The following PIK3R5 variants were observed in gnomAD, a reference collection of about 807,000 sequenced individuals.
PIK3R5 encodes phosphoinositide 3-kinase regulatory subunit 5.
PIK3R5 carries 32 observed loss-of-function variants against 94.9 expected under a neutral mutation model. The ratio of observed to expected loss-of-function variants is 0.34; its 90% confidence interval spans 0.25 to 0.45. The LOEUF is 0.45. PIK3R5 is among the 20% of genes least tolerant of loss of function. The pLI is 1.00. For synonymous variants in PIK3R5, 443 were observed against 479.4 expected (o/e 0.92, Z 0.99); for missense variants, 853 against 1,144.6 (o/e 0.75, Z 3.68).
intron 1 of PIK3R5, among the ~76,000 whole-genome samples, chr17:8,954,134 C>T (rs1365626111): frequency 6.6e-6 from 1 of 152,076 alleles, no homozygotes; most frequent in Non-Finnish European, 1.5e-5. Flanking sequence ...ACCCAAGCTC[C>T]CCCGGCTTGG....
rs2089963980 is a variant in PIK3R5, at chr17:8,889,275, T to C, written c.812-53A>G. On this transcript the variant is annotated intron_variant, in intron 8 of 18. Transcript: ENST00000447110. This position sits in a 1 kb window ranked among gnomAD's most constrained non-coding sequence, Gnocchi z 4.1. ...AGGGCTGGGAAGAGGCCTTGGAGAT[T>C]GGCCAGTCCAGTCCCCTTGCCTTGG... 7.2e-7 allele frequency: 1 copy of C among 1,382,164 alleles called. No homozygotes were observed. Among genetic ancestry groups the C allele is most frequent in the Non-Finnish European group, 1.0e-6 (1 of 983,180 alleles). The allele number at this position is 1,382,164 out of a possible 1,614,324, so 85.6% of individuals were successfully genotyped here.
In PIK3R5 at chr17:8,888,174, A is replaced by C; in HGVS notation, c.1613T>G (p.Leu538Arg). ...SGKVARAYSNLRRLENNRPLL... is the reference protein window; with the variant it reads ...SGKVARAYSNRRRLENNRPLL... ...TGCTCCGCATTACGGCTCTTACCGA[A>C]GGTTGCTGTACGCCCGAGCCACCTT... Residue 538 changes from leucine (L) to arginine (R), a missense_variant, in exon 10 of 19, where the codon CTT becomes CGT. Transcript: ENST00000447110. The surrounding 1 kb of genome is among the most constrained non-coding windows in gnomAD (Gnocchi z 7.8). 6.2e-7 allele frequency: 1 copy of C among 1,613,264 alleles called. No homozygotes were observed. The highest frequency in any genetic ancestry group is 8.5e-7 in the Non-Finnish European group (1 of 1,179,892).
In PIK3R5 at chr17:8,889,195, G is replaced by A; in HGVS notation, c.839C>T (p.Thr280Ile). 5 of 1,614,002 alleles carry A rather than the reference G, an allele frequency of 3.1e-6. No individual in the cohort carries two copies. The highest frequency in any genetic ancestry group is 4.2e-6 in the Non-Finnish European group (5 of 1,179,910). The change falls in exon 9 of 19, where the codon ACC becomes ATC. Residue 280 changes from threonine to isoleucine, a missense_variant. Physicochemically the swap from Thr to Ile is moderately conservative, Grantham distance 89. Transcript: ENST00000447110. The surrounding 1 kb of genome is among the most constrained non-coding windows in gnomAD (Gnocchi z 4.1). ...GCACCTGGCGACAGGGATGGGGATG[G>A]TGTGGAGCTTCCCTGGTTTTGCAGT... Reference protein sequence around the residue: ...LDTAKPGKLHTIPIPVARCYT... With the variant: ...LDTAKPGKLHIIPIPVARCYT...
intron 1 of PIK3R5, among the ~76,000 whole-genome samples, chr17:8,914,145 C>T (rs2090586406): frequency 6.6e-6 from 1 of 152,150 alleles, no homozygotes; most frequent in Non-Finnish European, 1.5e-5. Context: ...GTGACAGCGA[C>T]CCTTTGTTCT....
At position 8,889,901 on chromosome 17, in the gene PIK3R5, G is replaced by A. The variant is rs2089980570; in HGVS notation, c.811+72C>T. On this transcript the variant is annotated intron_variant, in intron 8 of 18. Transcript: ENST00000447110. This position sits in a 1 kb window ranked among gnomAD's most constrained non-coding sequence, Gnocchi z 4.1. ...TGGAGCAGAGCCACCAGGCCCGCCT[G>A]GACCGTGCACCTTGGGACCTAGAAT... The A allele has an allele frequency of 2.1e-5, 32 of 1,549,580 alleles. 1 individual carries two copies. In the South Asian group the frequency reaches 3.0e-4, roughly 15 times the overall value.
At chr17:8,901,534 G>C (rs2090282294) in intron 5 of PIK3R5, among the ~76,000 whole-genome samples, 1 of 152,228 alleles carries the variant, frequency 6.6e-6, no homozygotes, top group South Asian at 2.1e-4. Context: ...TTACAAGCCA[G>C]TCTTGAGCTT....
chr17:8,965,346 G>A (rs2091649880), intron 1 of PIK3R5, among the ~76,000 whole-genome samples: 1 of 152,192 alleles, frequency 6.6e-6, no homozygotes, highest in Non-Finnish European at 1.5e-5. Flanking sequence ...GAGGTTACCC[G>A]GATAACGATA....
chr17:8,924,404 A>G (rs1487396422), intron 1 of PIK3R5, among the ~76,000 whole-genome samples: 7 of 152,050 alleles, frequency 4.6e-5, no homozygotes, highest in African/African-American at 1.7e-4. Flanking sequence ...TTCTACAGGT[A>G]GAATCATTTC....
Position 8,882,994 on chromosome 17 carries a change from A to G in PIK3R5, c.2206-1113T>C. On this transcript the variant is annotated intron_variant, in intron 15 of 18. Transcript: ENST00000447110. This position sits in a 1 kb window ranked among gnomAD's most constrained non-coding sequence, Gnocchi z 4.1. ...AGGGAGCTTCCAAGCCTCAGATATA[A>G]TCATGTCACAGGCATTCCCAGCCCC... Among the ~76,000 whole-genome samples the G allele has an allele frequency of 6.6e-6, 1 of 152,156 alleles. No individual in the cohort carries two copies. Among genetic ancestry groups the G allele is most frequent in the East Asian group, 1.9e-4 (1 of 5,190 alleles).
rs1054340370 is a variant in PIK3R5 at position 8,880,282 on chromosome 17, G to C, written c.*357C>G. 3.1e-5 allele frequency: 6 copies of C among 193,730 alleles called. No homozygotes were observed. Among genetic ancestry groups the C allele is most frequent in the Admixed American group, 3.0e-4 (5 of 16,848 alleles). 12.0% of individuals were successfully genotyped at this position (193,730 alleles called of 1,614,324 possible). A position where few individuals can be genotyped will look rare whatever the true frequency, so the allele number is the denominator to read the frequency against. The stretch of plus-strand genomic sequence containing the variant: ...GGGGTAGGCTCAGCCAAGGTTGAGA[G>C]AAAAGGCCCAAGCCATCCCCCTGAG... On this transcript the variant is annotated 3_prime_UTR_variant, in exon 19 of 19. Coordinates refer to ENST00000447110, the MANE Select transcript of PIK3R5 (RefSeq NM_001142633.3).
At chr17:8,901,445 C>CT in intron 5 of PIK3R5, among the ~76,000 whole-genome samples, 1 of 148,526 alleles carries the variant, frequency 6.7e-6, no homozygotes, top group South Asian at 2.1e-4. Flanking sequence ...GAGGCACAGA[C>CT]AGGTCAGCTG....
At position 8,889,833 on chromosome 17, in the gene PIK3R5, G is replaced by A. The variant is rs2089979059; in HGVS notation, c.811+140C>T. ...GAATGAGACACCCTAGGGGATGGCA[G>A]AGCAGTGAGATGCTGAAGAAGCTGA... is the stretch of plus-strand genomic sequence containing the variant. On this transcript the variant is annotated intron_variant, in intron 8 of 18. Transcript: ENST00000447110. The surrounding 1 kb of genome is among the most constrained non-coding windows in gnomAD (Gnocchi z 4.1). 1.2e-6 allele frequency: 1 copy of A among 808,694 alleles called. No individual in the cohort carries two copies. The highest frequency in any genetic ancestry group is 2.0e-6 in the Non-Finnish European group (1 of 500,264). The allele number at this position is 808,694 out of a possible 1,614,324, so 50.1% of individuals were successfully genotyped here. A position where few individuals can be genotyped will look rare whatever the true frequency, so the allele number is the denominator to read the frequency against.
At position 8,904,527 on chromosome 17, in the gene PIK3R5, C is replaced by T. The variant is rs2090354669; in HGVS notation, c.412+250G>A. Among the ~76,000 whole-genome samples, 1 of 152,208 alleles carries T rather than the reference C, an allele frequency of 6.6e-6. No individual in the cohort carries two copies. The highest frequency in any genetic ancestry group is 1.5e-5 in the Non-Finnish European group (1 of 68,032). On this transcript the variant is annotated intron_variant, in intron 5 of 18. Transcript: ENST00000447110. This position sits in a 1 kb window ranked among gnomAD's most constrained non-coding sequence, Gnocchi z 5.1. ...AGGTGGGGTCTCCTTGCCCTGAGTG[C>T]CTGCTCCTACTTCCCCTAACAATCC... is the stretch of plus-strand genomic sequence containing the variant.
rs535948748 is a variant in PIK3R5 at position 8,893,017 on chromosome 17, C to T, written c.482+569G>A. Among the ~76,000 whole-genome samples the T allele has an allele frequency of 6.6e-6, 1 of 151,234 alleles. No homozygotes were observed. Among genetic ancestry groups the T allele is most frequent in the Non-Finnish European group, 1.5e-5 (1 of 67,916 alleles). On this transcript the variant is annotated intron_variant, in intron 6 of 18. Transcript: ENST00000447110. The surrounding 1 kb of genome is among the most constrained non-coding windows in gnomAD (Gnocchi z 5.1). Reference sequence around the variant, plus strand: ...GAAATAGAATAGAACAGAGCTCATCCTATGTAACCAGGATACATTTCATTT... The same window carrying T: ...GAAATAGAATAGAACAGAGCTCATCTTATGTAACCAGGATACATTTCATTT...
At chr17:8,962,693 C>T (rs1269489840) in intron 1 of PIK3R5, among the ~76,000 whole-genome samples, 1 of 152,152 alleles carries the variant, frequency 6.6e-6, no homozygotes, top group Non-Finnish European at 1.5e-5. Context: ...TGGAAGATGC[C>T]ATAAACAGTA....
At position 8,890,685 on chromosome 17, in the gene PIK3R5, T is replaced by C. The variant is rs364676; in HGVS notation, c.657+53A>G. Reference sequence around the variant, plus strand: ...TGGCTGAGATGAAGCAGGGAGAGGGTGCTACCTCCTCAGAGAGGTGCTCCA... The same window carrying C: ...TGGCTGAGATGAAGCAGGGAGAGGGCGCTACCTCCTCAGAGAGGTGCTCCA... On this transcript the variant is annotated intron_variant, in intron 7 of 18. Coordinates refer to ENST00000447110, the MANE Select transcript of PIK3R5 (RefSeq NM_001142633.3). The surrounding 1 kb of genome is among the most constrained non-coding windows in gnomAD (Gnocchi z 6.1). 612,497 of 1,467,118 alleles carry C rather than the reference T, an allele frequency of 0.42. 131,064 individuals are homozygous for C. Among genetic ancestry groups the C allele is most frequent in the African/African-American group, 0.61 (44,189 of 72,032 alleles). The allele number at this position is 1,467,118 out of a possible 1,614,324, so 90.9% of individuals were successfully genotyped here.
Position 8,884,639 on chromosome 17 carries a change from C to T in PIK3R5, c.2205+68G>A, listed in dbSNP as rs1418627080. The T allele has an allele frequency of 1.5e-6, 2 of 1,304,786 alleles. No homozygotes were observed. Among genetic ancestry groups the T allele is most frequent in the African/African-American group, 1.4e-5 (1 of 69,114 alleles). The allele number at this position is 1,304,786 out of a possible 1,614,324, so 80.8% of individuals were successfully genotyped here. A position where few individuals can be genotyped will look rare whatever the true frequency, so the allele number is the denominator to read the frequency against. On this transcript the variant is annotated intron_variant, in intron 15 of 18. Transcript: ENST00000447110. The surrounding 1 kb of genome is among the most constrained non-coding windows in gnomAD (Gnocchi z 5.8). ...GGAACACACGAGTCCAGCTCTGGGTCCAAGCTCTGGCGGAGGAAGTATCAG... is the reference window on the plus strand; with the variant it reads ...GGAACACACGAGTCCAGCTCTGGGTTCAAGCTCTGGCGGAGGAAGTATCAG...
At chr17:8,950,562 C>T (rs1486674174) in intron 1 of PIK3R5, among the ~76,000 whole-genome samples, 1 of 152,178 alleles carries the variant, frequency 6.6e-6, no homozygotes, top group Non-Finnish European at 1.5e-5. Context: ...GTTTTCCATT[C>T]CTACATTAAT....
At position 8,945,658 on chromosome 17, in the gene PIK3R5, T is replaced by C. The variant is rs1189389809; in HGVS notation, c.-14+19938A>G. ...AATAGAAAGTACTTATAAGATTTTA[T>C]GTCCCAAAGATGATCCCAACAATAG... is the stretch of plus-strand genomic sequence containing the variant. On this transcript the variant is annotated intron_variant, in intron 1 of 18. Transcript: ENST00000447110. The surrounding 1 kb of genome is among the most constrained non-coding windows in gnomAD (Gnocchi z 4.0). Among the ~76,000 whole-genome samples, 3 of 152,246 alleles carry C rather than the reference T, an allele frequency of 2.0e-5. No individual in the cohort carries two copies. Among genetic ancestry groups the C allele is most frequent in the Non-Finnish European group, 2.9e-5 (2 of 68,038 alleles).
Sources: allele counts gnomAD v4.1 joint callset (sites outside exome capture counted in the v4.1 genomes callset), GRCh38; gene constraint gnomAD v4.1.1; non-coding constraint Gnocchi (gnomAD v3.1); transcripts MANE v1.5; gene names NCBI Gene and HGNC (gene_info 2026-07-23, HGNC 2026-07-21).